The following NDST4 variants were observed in gnomAD, a reference collection of about 807,000 sequenced individuals.
The protein encoded by NDST4 is N-deacetylase and N-sulfotransferase 4.
In NDST4, 63 loss-of-function variants were observed where a neutral mutation model predicts 100.8. The ratio of observed to expected loss-of-function variants is 0.62; its 90% CI spans 0.51 to 0.77. The LOEUF (loss-of-function observed/expected upper bound fraction) is 0.77, where lower values mean the gene tolerates loss of function less well. Among genes scored for constraint, NDST4 ranks in the 30% least tolerant of loss-of-function variants. The pLI, the probability that NDST4 is intolerant of heterozygous loss-of-function variation, is 0.00. For synonymous variants in NDST4, 377 were observed against 361.8 expected (o/e 1.04, Z -0.48); for missense variants, 943 against 1,018.4 (o/e 0.93, Z 1.01).
chr4:114,905,465 T>G (rs1724928471), intron 6 of NDST4, among the ~76,000 whole-genome samples: 1 of 151,904 alleles, frequency 6.6e-6, no homozygotes, highest in Non-Finnish European at 1.5e-5. Context: ...AAAACAGAGT[T>G]CTGTTTTTAA....
At chr4:114,935,908 A>G (rs1039128361) in intron 5 of NDST4, among the ~76,000 whole-genome samples, 1 of 152,106 alleles carries the variant, frequency 6.6e-6, no homozygotes, top group Non-Finnish European at 1.5e-5. Flanking sequence ...AAGAAAGCAA[A>G]TAAGTAATTT....
intron 7 of NDST4, among the ~76,000 whole-genome samples, chr4:114,864,470 A>G (rs1723983731): frequency 6.6e-6 from 1 of 152,068 alleles, no homozygotes; most frequent in Non-Finnish European, 1.5e-5. Context: ...TCCAAGTTGT[A>G]TTGTACAGGG....
chr4:114,913,127 A>G (rs1250559057), intron 6 of NDST4, among the ~76,000 whole-genome samples: 1 of 140,754 alleles, frequency 7.1e-6, no homozygotes, highest in Non-Finnish European at 1.5e-5. Context: ...AGGCCACAGA[A>G]AAAAAAATAA....
chr4:114,889,107 C>T (rs895642348), intron 6 of NDST4, among the ~76,000 whole-genome samples: 1 of 152,040 alleles, frequency 6.6e-6, no homozygotes, highest in Admixed American at 6.6e-5. Context: ...AAAATATACA[C>T]ATATGTATTT....
chr4:114,829,553 A>G (rs1723149972), intron 13 of NDST4, among the ~76,000 whole-genome samples: 1 of 152,160 alleles, frequency 6.6e-6, no homozygotes, highest in South Asian at 2.1e-4. Context: ...TTATTTTTGA[A>G]TTGCATTCAA....
intron 1 of NDST4, among the ~76,000 whole-genome samples, chr4:115,080,623 A>T (rs1729280915): frequency 1.3e-5 from 2 of 149,498 alleles, no homozygotes; most frequent in Non-Finnish European, 1.5e-5. Flanking sequence ...ATGCTTGAAA[A>T]TTTTCATATG....
chr4:115,036,427 A>T (rs1728234807), intron 2 of NDST4, among the ~76,000 whole-genome samples: 1 of 151,158 alleles, frequency 6.6e-6, no homozygotes, highest in Non-Finnish European at 1.5e-5. Context: ...GTGTGCATAT[A>T]TGTATATGTT....
chr4:115,022,324 A>ATACATATGTGTTCCACG (rs1560569912), intron 2 of NDST4, among the ~76,000 whole-genome samples: 4 of 140,340 alleles, frequency 2.9e-5, no homozygotes, highest in Admixed American at 7.3e-5. Flanking sequence ...TGTGTTCCAC[A>ATACATATGTGTTCCACG]TACATATGTG....
intron 1 of NDST4, among the ~76,000 whole-genome samples, chr4:115,108,528 G>A (rs1361764125): frequency 3.3e-5 from 5 of 151,502 alleles, no homozygotes; most frequent in African/African-American, 7.3e-5. Flanking sequence ...ATGATTTAGA[G>A]GATTTAAAAT....
intron 6 of NDST4, among the ~76,000 whole-genome samples, chr4:114,908,724 AG>A (rs1271049045): frequency 7.2e-5 from 11 of 152,218 alleles, no homozygotes; most frequent in Non-Finnish European, 1.5e-5. Flanking sequence ...GAAACGTGTT[AG>A]CACACATATA....
chr4:115,018,929 G>A (rs993419035), intron 2 of NDST4, among the ~76,000 whole-genome samples: 6 of 151,814 alleles, frequency 4.0e-5, no homozygotes, highest in African/African-American at 1.4e-4. Flanking sequence ...TAATTTTCTT[G>A]GTGAGAATGC....
At chr4:114,898,633 G>T (rs1002145563) in intron 6 of NDST4, among the ~76,000 whole-genome samples, 1 of 152,076 alleles carries the variant, frequency 6.6e-6, no homozygotes, top group Non-Finnish European at 1.5e-5. Flanking sequence ...GGAGGAACTG[G>T]CATCTTGGTA....
intron 2 of NDST4, among the ~76,000 whole-genome samples, chr4:115,068,755 G>T (rs538660403): frequency 1.2e-4 from 18 of 149,114 alleles, no homozygotes; most frequent in South Asian, 2.1e-4. Context: ...GGTGGAGCTT[G>T]CAGTGAGCCC....
chr4:115,033,414 T>C (rs984299345), intron 2 of NDST4, among the ~76,000 whole-genome samples: 2 of 151,668 alleles, frequency 1.3e-5, no homozygotes, highest in African/African-American at 4.8e-5. Context: ...CCCTGCGTAG[T>C]CCTGCTATTA....
chr4:114,946,724 CA>C (rs769252986), intron 4 of NDST4, among the ~76,000 whole-genome samples: 9 of 152,112 alleles, frequency 5.9e-5, no homozygotes, highest in Non-Finnish European at 1.2e-4. Context: ...TGAACAACTC[CA>C]GGGGGCACCG....
At chr4:115,004,930 C>T (rs1391827120) in intron 2 of NDST4, among the ~76,000 whole-genome samples, 1 of 152,136 alleles carries the variant, frequency 6.6e-6, no homozygotes, top group African/African-American at 2.4e-5. Flanking sequence ...ACAGGATTGA[C>T]TATTTTTCAA....
chr4:115,052,795 A>C (rs1728614856), intron 2 of NDST4, among the ~76,000 whole-genome samples: 2 of 152,094 alleles, frequency 1.3e-5, no homozygotes, highest in Admixed American at 1.3e-4. Flanking sequence ...ACAAATATTC[A>C]GTTAATTCTA....
intron 2 of NDST4, among the ~76,000 whole-genome samples, chr4:115,020,360 G>C (rs144935449): frequency 5.9e-4 from 90 of 152,204 alleles, no homozygotes; most frequent in Non-Finnish European, 1.1e-3. Flanking sequence ...GAAGTCCAAA[G>C]GCTTCATAAA....
At chr4:114,984,603 GA>G (rs1204489730) in intron 2 of NDST4, among the ~76,000 whole-genome samples, 7 of 152,058 alleles carry the variant, frequency 4.6e-5, no homozygotes, top group Non-Finnish European at 8.8e-5. Context: ...TATGATATGG[GA>G]ATCAGAAGAG....
Sources: allele counts gnomAD v4.1 joint callset (sites outside exome capture counted in the v4.1 genomes callset), GRCh38; gene constraint gnomAD v4.1.1; transcripts MANE v1.5; gene names NCBI Gene and HGNC (gene_info 2026-07-23, HGNC 2026-07-21).